The following TENM3 variants were observed in gnomAD, a reference collection of about 807,000 sequenced individuals.
The protein encoded by TENM3 is teneurin-3.
Under a neutral mutation model 255.1 loss-of-function variants are expected in TENM3, and 63 were observed. The ratio of observed to expected loss-of-function variants is 0.25; its 90% CI spans 0.20 to 0.30. TENM3 has a LOEUF of 0.30. Among genes scored for constraint, TENM3 ranks in the 10% least tolerant of loss-of-function variants. TENM3 has a pLI of 1.00. For synonymous variants in TENM3, 1,306 were observed against 1,322.3 expected (o/e 0.99, Z 0.27); for missense variants, 2,929 against 3,461.1 (o/e 0.85, Z 3.86).
chr4:181,474,632 G>A, the TENM3 span, among the ~76,000 whole-genome samples: 1 of 151,956 alleles, frequency 6.6e-6, no homozygotes, highest in East Asian at 1.9e-4. Flanking sequence ...CTACTTGGGA[G>A]GCTGAGGCAG....
the TENM3 span, among the ~76,000 whole-genome samples, chr4:181,809,334 C>T: frequency 6.6e-6 from 1 of 152,150 alleles, no homozygotes; most frequent in Non-Finnish European, 1.5e-5. Context: ...TATAATGGCT[C>T]TGGGGCTTTT....
chr4:181,897,898 G>C, the TENM3 span, among the ~76,000 whole-genome samples: 1 of 152,016 alleles, frequency 6.6e-6, no homozygotes, highest in African/African-American at 2.4e-5. Flanking sequence ...GCTTCCATCA[G>C]AAATGGGCTT....
chr4:182,059,813 G>T, the TENM3 span, among the ~76,000 whole-genome samples: 1 of 150,534 alleles, frequency 6.6e-6, no homozygotes, highest in African/African-American at 2.4e-5. Flanking sequence ...CACACCTGTA[G>T]TCCCAGCTAC....
At chr4:182,501,553 T>G (rs1466209835) in intron 3 of TENM3, among the ~76,000 whole-genome samples, 1 of 152,108 alleles carries the variant, frequency 6.6e-6, no homozygotes, top group African/African-American at 2.4e-5. Flanking sequence ...CATTGAAAGG[T>G]CCATCAGGAA....
At chr4:181,546,166 A>T in the TENM3 span, among the ~76,000 whole-genome samples, 3 of 152,138 alleles carry the variant, frequency 2.0e-5, no homozygotes, top group African/African-American at 7.2e-5. Flanking sequence ...AGTGGCCTCT[A>T]GAGGCTTGTC....
the TENM3 span, among the ~76,000 whole-genome samples, chr4:181,925,736 G>A: frequency 6.6e-6 from 1 of 152,292 alleles, no homozygotes; most frequent in South Asian, 2.1e-4. Flanking sequence ...ATTTGGCAAA[G>A]CAACACATCC....
the TENM3 span, among the ~76,000 whole-genome samples, chr4:182,136,754 A>G: frequency 2.6e-5 from 4 of 152,330 alleles, no homozygotes; most frequent in African/African-American, 9.6e-5. Flanking sequence ...AGCTTATACA[A>G]TCTACAATGC....
At chr4:181,994,554 GT>G in the TENM3 span, among the ~76,000 whole-genome samples, 420 of 128,364 alleles carry the variant, frequency 3.3e-3, 1 homozygote, top group African/African-American at 5.2e-3. Context: ...TTTTTTGTGG[GT>G]TTTTTTTTTT....
intron 11 of TENM3, among the ~76,000 whole-genome samples, chr4:182,686,175 G>A (rs997739467): frequency 6.6e-6 from 1 of 151,910 alleles, no homozygotes; most frequent in African/African-American, 2.4e-5. Flanking sequence ...AATAAATAGA[G>A]TAGTATAATG....
the TENM3 span, among the ~76,000 whole-genome samples, chr4:182,008,975 A>G: frequency 6.6e-6 from 1 of 151,712 alleles, no homozygotes. Flanking sequence ...TTTTTCTTTC[A>G]ATAGTCAGGT....
At chr4:182,106,113 C>T in the TENM3 span, among the ~76,000 whole-genome samples, 26 of 152,306 alleles carry the variant, frequency 1.7e-4, no homozygotes, top group African/African-American at 6.0e-4. Context: ...TCCCCTGACC[C>T]CCAGCAAATC....
In TENM3 at chr4:182,757,487, T is replaced by C. The variant is rs149727317; in HGVS notation, c.4892+2228T>C. On this transcript the variant is annotated intron_variant, in intron 22 of 27. Transcript: ENST00000511685. Reference sequence around the variant, plus strand: ...TATGTCCTTACTCGTTCCCAGGAGTTCATTGTATGGATTAGTGCTGACACT... The same window carrying C: ...TATGTCCTTACTCGTTCCCAGGAGTCCATTGTATGGATTAGTGCTGACACT... Among the ~76,000 whole-genome samples, 32 of 152,260 alleles carry C rather than the reference T, an allele frequency of 2.1e-4. 1 individual carries two copies. The highest frequency in any genetic ancestry group is 7.0e-4 in the African/African-American group (29 of 41,544).
chr4:182,125,935 T>G, the TENM3 span, among the ~76,000 whole-genome samples: 1 of 152,124 alleles, frequency 6.6e-6, no homozygotes. Context: ...AATACATATT[T>G]AAATTAACAA....
chr4:181,779,325 C>A, the TENM3 span, among the ~76,000 whole-genome samples: 1 of 151,008 alleles, frequency 6.6e-6, no homozygotes, highest in Non-Finnish European at 1.5e-5. Context: ...AAGAATAAAC[C>A]CAGACATCTT....
At chr4:182,449,238 T>C (rs7661985) in intron 3 of TENM3, among the ~76,000 whole-genome samples, 2 of 632 alleles carry the variant, frequency 3.2e-3, no homozygotes, top group South Asian at 0.083. Context: ...GGCTCCGCTC[T>C]TCTCCCTTGT....
chr4:182,457,324 T>G (rs929308033), intron 3 of TENM3, among the ~76,000 whole-genome samples: 2 of 152,098 alleles, frequency 1.3e-5, no homozygotes, highest in African/African-American at 4.8e-5. Flanking sequence ...CTGGACATTT[T>G]CTAAGAAGAG....
At chr4:181,832,357 A>G in the TENM3 span, among the ~76,000 whole-genome samples, 1 of 152,230 alleles carries the variant, frequency 6.6e-6, no homozygotes, top group Non-Finnish European at 1.5e-5. Flanking sequence ...AATATGCAAC[A>G]GCTGGGTTTC....
the TENM3 span, among the ~76,000 whole-genome samples, chr4:181,861,119 A>C: frequency 6.6e-6 from 1 of 152,236 alleles, no homozygotes; most frequent in African/African-American, 2.4e-5. Context: ...ATAAAGCTTG[A>C]AAATACGTTA....
chr4:182,737,901 AGTTT>A (rs1761296388), intron 17 of TENM3, among the ~76,000 whole-genome samples: 2 of 152,098 alleles, frequency 1.3e-5, no homozygotes, highest in Non-Finnish European at 2.9e-5. Context: ...TATTACTGCT[AGTTT>A]GTTTATTTCT....
Sources: allele counts gnomAD v4.1 joint callset (sites outside exome capture counted in the v4.1 genomes callset), GRCh38; gene constraint gnomAD v4.1.1; transcripts MANE v1.5; gene names NCBI Gene and HGNC (gene_info 2026-07-23, HGNC 2026-07-21).